The following NMT2 variants were observed in gnomAD, a reference collection of about 807,000 sequenced individuals.
NMT2 encodes glycylpeptide N-tetradecanoyltransferase 2.
In NMT2, 35 loss-of-function variants were observed where a neutral mutation model predicts 65.4. That is an observed-to-expected ratio of 0.54 (90% CI 0.41 to 0.71). The LOEUF (loss-of-function observed/expected upper bound fraction) is 0.71, where lower values mean the gene tolerates loss of function less well. Ranked by LOEUF, NMT2 falls within the 30% of genes least tolerant of loss-of-function variation. The pLI, the probability that NMT2 is intolerant of heterozygous loss-of-function variation, is 0.00. For missense variants in NMT2, 489 were observed against 611.3 expected (o/e 0.80, Z 2.11); for synonymous variants, 226 against 231.8 (o/e 0.98, Z 0.23).
At chr10:15,156,461 T>C (rs1554826224) in intron 1 of NMT2, among the ~76,000 whole-genome samples, 2 of 152,176 alleles carry the variant, frequency 1.3e-5, no homozygotes, top group African/African-American at 2.4e-5. Flanking sequence ...TACATCCTTA[T>C]AGCAGCATGA....
At chr10:15,155,683 C>T (rs1255995317) in intron 1 of NMT2, among the ~76,000 whole-genome samples, 5 of 151,840 alleles carry the variant, frequency 3.3e-5, no homozygotes, top group African/African-American at 1.2e-4. Context: ...GCACCTGGCC[C>T]CAAGGATTCC....
At chr10:15,130,479 G>T (rs757601975) in intron 6 of NMT2, among the ~76,000 whole-genome samples, 167 bp from the exon 7 acceptor site, 2 of 152,036 alleles carry the variant, frequency 1.3e-5, no homozygotes, top group Non-Finnish European at 2.9e-5. Context: ...GGCCAAGGCA[G>T]GTGGATTGCT....
At chr10:15,111,391 G>T (rs1845509968) in intron 10 of NMT2, among the ~76,000 whole-genome samples, 2 of 150,776 alleles carry the variant, frequency 1.3e-5, no homozygotes, top group African/African-American at 4.9e-5. Flanking sequence ...CACACCTATA[G>T]TCCCAGCTAC....
At position 15,119,521 on chromosome 10, in the gene NMT2, G is replaced by C; in HGVS notation, c.1000-8C>G. 6.2e-7 allele frequency: 1 copy of C among 1,612,022 alleles called. No individual in the cohort carries two copies. Among genetic ancestry groups the C allele is most frequent in the Non-Finnish European group, 8.5e-7 (1 of 1,178,800 alleles). On this transcript the variant is annotated splice_region_variant and splice_polypyrimidine_tract_variant and intron_variant, in intron 8 of 11. Coordinates refer to ENST00000378165, the MANE Select transcript of NMT2 (RefSeq NM_004808.3). ...ACCTGAAGTCTTTGTAACCTTGTTG[G>C]AGGGGAAACAAAACAAATCCAGAAG...
chr10:15,139,297 C>T (rs28640583), intron 2 of NMT2, among the ~76,000 whole-genome samples: 181 of 118,170 alleles, frequency 1.5e-3, no homozygotes, highest in Middle Eastern at 4.5e-3. Context: ...TCTATCTATC[C>T]ATCCATCCAT....
At chr10:15,130,090 C>A (rs968811806) in intron 7 of NMT2, 52 bp downstream of exon 7, 323 of 1,334,264 alleles carry the variant, frequency 2.4e-4, no homozygotes, top group Non-Finnish European at 3.1e-4. Context: ...AGTGGTGAGG[C>A]TCAACATTTT....
At chr10:15,141,860 C>T (rs776250538) in intron 1 of NMT2, among the ~76,000 whole-genome samples, 1 of 152,196 alleles carries the variant, frequency 6.6e-6, no homozygotes, top group Non-Finnish European at 1.5e-5. Flanking sequence ...TCACTACTCT[C>T]CTAATCTACG....
rs1030706932 is a variant in NMT2 at position 15,112,670 on chromosome 10, T to C, written c.1338+126A>G. On this transcript the variant is annotated intron_variant, in intron 10 of 11. Coordinates refer to ENST00000378165, the MANE Select transcript of NMT2 (RefSeq NM_004808.3). The stretch of plus-strand genomic sequence containing the variant: ...TCAAAATTCTTCCTTTGACTGATGA[T>C]CAATAGTTTTTTTAAAGTCTCGCAT... 1.0e-5 allele frequency: 9 copies of C among 885,938 alleles called. No homozygotes were observed. The African/African-American group carries it at 1.2e-4, about 12-fold the overall frequency. The allele number at this position is 885,938 out of a possible 1,614,324, so 54.9% of individuals were successfully genotyped here. A position where few individuals can be genotyped will look rare whatever the true frequency, so the allele number is the denominator to read the frequency against.
Position 15,107,190 on chromosome 10 carries a change from G to T in NMT2, c.*2005C>A. 4.7e-6 allele frequency: 1 copy of T among 212,550 alleles called. No homozygotes were observed. Among genetic ancestry groups the T allele is most frequent in the Non-Finnish European group, 8.0e-6 (1 of 124,368 alleles). The allele number at this position is 212,550 out of a possible 1,614,324, so 13.2% of individuals were successfully genotyped here. A position where few individuals can be genotyped will look rare whatever the true frequency, so the allele number is the denominator to read the frequency against. Reference sequence around the variant, plus strand: ...CCGGAATTTGAATTTTGTGTAATTTGCACATGTCACAAAATGATGTCATTT... The same window carrying T: ...CCGGAATTTGAATTTTGTGTAATTTTCACATGTCACAAAATGATGTCATTT... On this transcript the variant is annotated 3_prime_UTR_variant, in exon 12 of 12. Coordinates refer to ENST00000378165, the MANE Select transcript of NMT2 (RefSeq NM_004808.3).
chr10:15,163,990 T>G (rs1336151989), intron 1 of NMT2, among the ~76,000 whole-genome samples: 5 of 151,872 alleles, frequency 3.3e-5, no homozygotes, highest in African/African-American at 1.2e-4. Flanking sequence ...CCATCCTGGC[T>G]AACATGGTGA....
rs542119377 is a variant in NMT2, at chr10:15,166,741, C to G, written c.110+1762G>C. Among the ~76,000 whole-genome samples the G allele has an allele frequency of 3.9e-5, 6 of 152,282 alleles. No homozygotes were observed. In the East Asian group the frequency reaches 1.2e-3, roughly 29 times the overall value. On this transcript the variant is annotated intron_variant, in intron 1 of 11. Coordinates refer to ENST00000378165, the MANE Select transcript of NMT2 (RefSeq NM_004808.3). The stretch of plus-strand genomic sequence containing the variant: ...TAACCTTTCTAATATATAAAATGTG[C>G]TGATATACAAAACTGAAAACTTCCG...
rs760780344 is a variant in NMT2, at chr10:15,109,687, A to C, written c.1476+15T>G. The C allele has an allele frequency of 6.3e-7, 1 of 1,599,316 alleles. No homozygotes were observed. The highest frequency in any genetic ancestry group is 2.2e-5 in the East Asian group (1 of 44,458). On this transcript the variant is annotated intron_variant, in intron 11 of 11. Transcript: ENST00000378165. Reference sequence around the variant, plus strand: ...CATTTGTTGAGTTTACAAGGGCTATATCCATTTCACTTACCTTTTCAGAAT... The same window carrying C: ...CATTTGTTGAGTTTACAAGGGCTATCTCCATTTCACTTACCTTTTCAGAAT...
chr10:15,167,181 TAA>T (rs10612190), intron 1 of NMT2, among the ~76,000 whole-genome samples: 68,512 of 150,244 alleles, frequency 0.46, 17,622 homozygotes, highest in African/African-American at 0.71. Flanking sequence ...TTCCTCTCTT[TAA>T]AAAAAAAAAT....
chr10:15,151,034 T>C (rs1220162316), intron 1 of NMT2, among the ~76,000 whole-genome samples: 1 of 152,024 alleles, frequency 6.6e-6, no homozygotes, highest in East Asian at 1.9e-4. Flanking sequence ...TGTGGGAATG[T>C]ATATTCTATC....
intron 1 of NMT2, among the ~76,000 whole-genome samples, chr10:15,158,984 G>A (rs558826783): frequency 4.5e-4 from 68 of 152,300 alleles, no homozygotes; most frequent in African/African-American, 1.3e-3. Context: ...ATATGAATTG[G>A]CAGGGAGATA....
chr10:15,110,096 AC>A (rs1388764453), intron 10 of NMT2, among the ~76,000 whole-genome samples: 1 of 151,712 alleles, frequency 6.6e-6, no homozygotes, highest in Non-Finnish European at 1.5e-5. Flanking sequence ...ACATGGCGAA[AC>A]CCCATCTCTA....
At chr10:15,159,751 G>T (rs1833124017) in intron 1 of NMT2, among the ~76,000 whole-genome samples, 1 of 152,134 alleles carries the variant, frequency 6.6e-6, no homozygotes, top group Non-Finnish European at 1.5e-5. Context: ...TACTCTAGCT[G>T]GTTGGTAGAT....
At chr10:15,163,402 A>G (rs1190677836) in intron 1 of NMT2, among the ~76,000 whole-genome samples, 2 of 152,244 alleles carry the variant, frequency 1.3e-5, no homozygotes, top group African/African-American at 4.8e-5. Flanking sequence ...TCCTATATTT[A>G]GACAACCCTG....
At chr10:15,111,622 T>C (rs1845520283) in intron 10 of NMT2, 1 of 151,550 alleles carries the variant, frequency 6.6e-6, no homozygotes, top group Non-Finnish European at 1.5e-5. Context: ...TTCTTTAAAA[T>C]GTCAGACAAT....
Sources: gnomAD v4.1 joint callset for allele counts (sites outside exome capture counted in the v4.1 genomes callset) on GRCh38, gnomAD v4.1.1 for gene constraint, MANE v1.5 for transcripts, NCBI Gene and HGNC (gene_info 2026-07-23, HGNC 2026-07-21) for gene names.